The following PCDHGB4 variants were observed in gnomAD, a reference collection of about 807,000 sequenced individuals.
The protein encoded by PCDHGB4 is protocadherin gamma subfamily B, 4.
In PCDHGB4, 38 loss-of-function variants were observed where a neutral mutation model predicts 60.5. The observed-to-expected ratio is 0.63, with a 90% CI of 0.48 to 0.82. The LOEUF is 0.82. PCDHGB4 is among the 40% of genes least tolerant of loss of function. The probability of loss-of-function intolerance (pLI) is 0.00; values close to 1 mark genes in which losing one functional copy is unlikely to be tolerated. For missense variants in PCDHGB4, 1,109 were observed against 1,209.6 expected, an observed-to-expected ratio of 0.92 and a Z score of 1.23; for synonymous variants, 456 against 509.7, an observed-to-expected ratio of 0.89 and a Z score of 1.42.
chr5:141,505,210 A>G (rs899138393), intron 2 of PCDHGB4, among the ~76,000 whole-genome samples, 183 bp from the exon 3 acceptor site: 3 of 152,192 alleles, frequency 2.0e-5, no homozygotes, highest in African/African-American at 7.2e-5. Flanking sequence ...GGTTTGAGGG[A>G]CTGACTTGTG....
chr5:141,409,116 A>G (rs1236625059), intron 1 of PCDHGB4: 1 of 1,614,034 alleles, frequency 6.2e-7, no homozygotes. Flanking sequence ...AAGAATAACC[A>G]GTCATTTGAT....
At chr5:141,394,681 C>G in intron 1 of PCDHGB4, 2 of 1,612,998 alleles carry the variant, frequency 1.2e-6, no homozygotes, top group Non-Finnish European at 1.7e-6. Context: ...GGTCTGCACA[C>G]GGGCGAGGTG....
At chr5:141,463,460 T>TA (rs1554144871) in intron 1 of PCDHGB4, among the ~76,000 whole-genome samples, 2 of 136,122 alleles carry the variant, frequency 1.5e-5, no homozygotes, top group Non-Finnish European at 3.1e-5. Context: ...TTTTTTTTTT[T>TA]TTTTTTGAGA....
intron 1 of PCDHGB4, chr5:141,422,094 T>C: frequency 1.2e-6 from 2 of 1,610,648 alleles, no homozygotes; most frequent in Non-Finnish European, 1.7e-6. Flanking sequence ...AAAGCAAGGC[T>C]TCTGAAATAT....
At chr5:141,402,930 G>A (rs1260331134) in intron 1 of PCDHGB4, 1 of 1,584,094 alleles carries the variant, frequency 6.3e-7, no homozygotes, top group Non-Finnish European at 8.6e-7. Flanking sequence ...ATCCTTTTGA[G>A]AAAATTCCAA....
intron 1 of PCDHGB4, chr5:141,410,023 C>A: frequency 6.2e-7 from 1 of 1,613,310 alleles, no homozygotes; most frequent in South Asian, 1.1e-5. Context: ...TGTCCTACCA[C>A]GTGCTGCAGG....
chr5:141,503,960 T>TTC (rs2099834474), intron 2 of PCDHGB4, among the ~76,000 whole-genome samples: 1 of 152,172 alleles, frequency 6.6e-6, no homozygotes, highest in Admixed American at 6.5e-5. Flanking sequence ...CCTACAGCCT[T>TTC]TCCCATGGTG....
rs1005709757 is a variant in PCDHGB4 at position 141,495,051 on chromosome 5, A to G, written c.2456+186A>G. Among the ~76,000 whole-genome samples, 3 of 152,042 alleles carry G rather than the reference A, an allele frequency of 2.0e-5. No homozygotes were observed. In the East Asian group the frequency reaches 5.8e-4, roughly 29 times the overall value. On this transcript the variant is annotated intron_variant, in intron 2 of 3. Transcript: ENST00000519479. ...CCGGAAGGAAGAGGCGACTGCCCTG[A>G]CTGTTCAGGAAGCTCAATTCACATG... is the stretch of plus-strand genomic sequence containing the variant.
At position 141,409,348 on chromosome 5, in the gene PCDHGB4, C is replaced by T. The variant is rs115471135; in HGVS notation, c.2397+19067C>T. The T allele has an allele frequency of 4.7e-4, 755 of 1,614,018 alleles. 4 individuals carry two copies. The African/African-American group carries it at 8.3e-3, about 18-fold the overall frequency. On this transcript the variant is annotated intron_variant, in intron 1 of 3. Coordinates refer to ENST00000519479, the MANE Select transcript of PCDHGB4 (RefSeq NM_003736.4). Reference sequence around the variant, plus strand: ...TGGATTTCGGAGGAAATGGAGAAGTCAGGTGTAATATAGAAACAGACATTC... The same window carrying T: ...TGGATTTCGGAGGAAATGGAGAAGTTAGGTGTAATATAGAAACAGACATTC...
At chr5:141,407,240 C>T (rs1011878099) in intron 1 of PCDHGB4, among the ~76,000 whole-genome samples, 3 of 152,158 alleles carry the variant, frequency 2.0e-5, no homozygotes, top group African/African-American at 7.2e-5. Context: ...ATAAAGCATA[C>T]TTCAGGCTCA....
intron 1 of PCDHGB4, among the ~76,000 whole-genome samples, chr5:141,425,427 A>G (rs925551543): frequency 2.2e-4 from 33 of 152,362 alleles, no homozygotes; most frequent in Non-Finnish European, 4.1e-4. Flanking sequence ...GTCCCATTAA[A>G]TAGAGGATAA....
chr5:141,487,811 A>C lies in PCDHGB4; in HGVS notation c.2398-6996A>C, dbSNP rs1389081995. 2 of 1,414,662 alleles carry C rather than the reference A, an allele frequency of 1.4e-6. No homozygotes were observed. The highest frequency in any genetic ancestry group is 1.9e-6 in the Non-Finnish European group (2 of 1,041,698). The allele number at this position is 1,414,662 out of a possible 1,614,324, so 87.6% of individuals were successfully genotyped here. On this transcript the variant is annotated intron_variant, in intron 1 of 3. Coordinates refer to ENST00000519479, the MANE Select transcript of PCDHGB4 (RefSeq NM_003736.4). This position sits in a 1 kb window ranked among gnomAD's most constrained non-coding sequence, Gnocchi z 5.0. ...TTAACCAGAGTTGTCACAGTTTAGC[A>C]TTGGGGGCGGGTCATGCCTATATCT...
At chr5:141,433,070 CCCCAG>C in intron 1 of PCDHGB4, 1 of 1,614,174 alleles carries the variant, frequency 6.2e-7, no homozygotes, top group Non-Finnish European at 8.5e-7. Context: ...CCTGATCTTC[CCCCAG>C]CCCAACTATG....
Position 141,431,954 on chromosome 5 carries a change from G to T in PCDHGB4, c.2397+41673G>T. On this transcript the variant is annotated intron_variant, in intron 1 of 3. Coordinates refer to ENST00000519479, the MANE Select transcript of PCDHGB4 (RefSeq NM_003736.4). The surrounding 1 kb of genome is among the most constrained non-coding windows in gnomAD (Gnocchi z 4.8). Reference sequence around the variant, plus strand: ...GCCCTTTAAATTAGAAAAATCTTACGGAAATTACTATAGTTTAGTCACAGA... The same window carrying T: ...GCCCTTTAAATTAGAAAAATCTTACTGAAATTACTATAGTTTAGTCACAGA... The T allele has an allele frequency of 6.2e-7, 1 of 1,614,110 alleles. No homozygotes were observed. Among genetic ancestry groups the T allele is most frequent in the Non-Finnish European group, 8.5e-7 (1 of 1,180,010 alleles).
intron 1 of PCDHGB4, chr5:141,404,993 C>G (rs1159647700): frequency 6.2e-7 from 1 of 1,613,850 alleles, no homozygotes; most frequent in Non-Finnish European, 8.5e-7. Flanking sequence ...TCTTCAGATC[C>G]CTGCAGACCT....
At position 141,399,853 on chromosome 5, in the gene PCDHGB4, C is replaced by T. The variant is rs530551805; in HGVS notation, c.2397+9572C>T. 48 of 1,612,978 alleles carry T rather than the reference C, an allele frequency of 3.0e-5. 1 individual carries two copies. In the East Asian group the frequency reaches 9.4e-4, roughly 31 times the overall value. On this transcript the variant is annotated intron_variant, in intron 1 of 3. Transcript: ENST00000519479. ...CTCTGCGCTCTTCGATATGGTGCCGCGCGCTGCAGAGCCCGGCTACCTGGT... is the reference window on the plus strand; with the variant it reads ...CTCTGCGCTCTTCGATATGGTGCCGTGCGCTGCAGAGCCCGGCTACCTGGT...
At chr5:141,397,896 C>G (rs371654961) in intron 1 of PCDHGB4, 48 of 650,728 alleles carry the variant, frequency 7.4e-5, no homozygotes, top group African/African-American at 2.0e-4. Flanking sequence ...GGCCAAAGTG[C>G]AGAGCTTGGC....
intron 1 of PCDHGB4, chr5:141,440,160 G>A (rs568136682): frequency 6.6e-6 from 1 of 152,324 alleles, no homozygotes; most frequent in East Asian, 1.9e-4. Flanking sequence ...ATTATAGCTT[G>A]GGCCATAACG....
chr5:141,491,802 G>A lies in PCDHGB4; in HGVS notation c.2398-3005G>A. 6.7e-7 allele frequency: 1 copy of A among 1,497,480 alleles called. No homozygotes were observed. Among genetic ancestry groups the A allele is most frequent in the East Asian group, 2.5e-5 (1 of 40,518 alleles). The allele number at this position is 1,497,480 out of a possible 1,614,324, so 92.8% of individuals were successfully genotyped here. ...ACTTGCATCCACTCCTCTCCGGCCG[G>A]CTTGGTCGCTGGCTGCGCTCCACCC... On this transcript the variant is annotated intron_variant, in intron 1 of 3. Coordinates refer to ENST00000519479, the MANE Select transcript of PCDHGB4 (RefSeq NM_003736.4). The surrounding 1 kb of genome is among the most constrained non-coding windows in gnomAD (Gnocchi z 6.9).
Sources: allele counts gnomAD v4.1 joint callset (sites outside exome capture counted in the v4.1 genomes callset), GRCh38; gene constraint gnomAD v4.1.1; non-coding constraint Gnocchi (gnomAD v3.1); transcripts MANE v1.5; gene names NCBI Gene and HGNC (gene_info 2026-07-23, HGNC 2026-07-21).